ELMOD1: variants seen among roughly 807,000 people sequenced by gnomAD.
The protein encoded by ELMOD1 is ELMO domain containing 1.
In ELMOD1, 21 loss-of-function variants were observed where a neutral mutation model predicts 46.7. The ratio of observed to expected loss-of-function variants is 0.45; its 90% CI spans 0.32 to 0.65. The LOEUF (loss-of-function observed/expected upper bound fraction) is 0.65, where lower values mean the gene tolerates loss of function less well. ELMOD1 is among the 30% of genes least tolerant of loss of function. The pLI, the probability that ELMOD1 is intolerant of heterozygous loss-of-function variation, is 0.04. For synonymous variants in ELMOD1, 122 were observed against 138.2 expected (o/e 0.88, Z 0.82); for missense variants, 348 against 407.8 (o/e 0.85, Z 1.26).
At chr11:107,616,198 G>A (rs1865860617) in intron 1 of ELMOD1, among the ~76,000 whole-genome samples, 1 of 152,100 alleles carries the variant, frequency 6.6e-6, no homozygotes, top group Non-Finnish European at 1.5e-5. Context: ...GTTTTGCCAT[G>A]TTGGCCAGGC....
rs116990876 is a variant in ELMOD1 at position 107,610,556 on chromosome 11, C to T, written c.-85-7549C>T. Among the ~76,000 whole-genome samples the T allele has an allele frequency of 3.0e-3, 449 of 151,152 alleles. 3 individuals carry two copies. The highest frequency in any genetic ancestry group is 3.4e-3 in the Non-Finnish European group (229 of 67,852). ...GTGTATGCCTGTAATCTGAGCTACTCGGGAGGCTGAGACACAGAATTGCTT... is the reference window on the plus strand; with the variant it reads ...GTGTATGCCTGTAATCTGAGCTACTTGGGAGGCTGAGACACAGAATTGCTT... On this transcript the variant is annotated intron_variant, in intron 1 of 11. Coordinates refer to ENST00000265840, the MANE Select transcript of ELMOD1 (RefSeq NM_018712.4).
Position 107,611,870 on chromosome 11 carries a change from G to A in ELMOD1, c.-85-6235G>A, listed in dbSNP as rs149522069. 5.8e-3 allele frequency among the ~76,000 whole-genome samples: 888 copies of A among 152,152 alleles called. 12 individuals carry two copies. Among genetic ancestry groups the A allele is most frequent in the African/African-American group, 0.02 (837 of 41,522 alleles). ...GCTATTATTAAGAAGTCCAAAAACA[G>A]CAGATGCTGGCAAGGCTGGGAGAAA... On this transcript the variant is annotated intron_variant, in intron 1 of 11. Transcript: ENST00000265840.
intron 2 of ELMOD1, chr11:107,619,914 A>G (rs1865919630): frequency 6.6e-6 from 1 of 152,218 alleles, no homozygotes; most frequent in African/African-American, 2.4e-5. Flanking sequence ...ATGTGAAACT[A>G]AAGCTAGGAT....
Position 107,635,678 on chromosome 11 carries a change from G to C in ELMOD1, c.333G>C (p.Gly111=). 6.2e-7 allele frequency: 1 copy of C among 1,613,856 alleles called. No homozygotes were observed. The highest frequency in any genetic ancestry group is 8.5e-7 in the Non-Finnish European group (1 of 1,179,824). ...SLQACLLQIV[G]YRNLIADVEK... is the part of the protein sequence containing the mutation. ...AGGCTTGCCTTCTGCAAATCGTTGG[G>C]TACAGGAACCTTATTGCAGATGTGG... is the stretch of plus-strand genomic sequence containing the variant. The change falls in exon 6 of 12, where the codon GGG becomes GGC. Residue 111 remains glycine (G), a synonymous_variant. Transcript: ENST00000265840.
intron 1 of ELMOD1, among the ~76,000 whole-genome samples, chr11:107,593,629 T>A (rs1865443192): frequency 6.6e-6 from 1 of 152,232 alleles, no homozygotes; most frequent in South Asian, 2.1e-4. Context: ...AACAAAGCAC[T>A]GTTAGGTTTT....
chr11:107,625,403 T>C, intron 2 of ELMOD1: 1 of 983,380 alleles, frequency 1.0e-6, no homozygotes, highest in African/African-American at 1.7e-5. Context: ...ACAGGATTTC[T>C]TCAAGCAAGA....
At chr11:107,631,407 C>G (rs866323939) in intron 4 of ELMOD1, among the ~76,000 whole-genome samples, 173 bp from the exon 5 acceptor site, 6 of 136,116 alleles carry the variant, frequency 4.4e-5, no homozygotes, top group Admixed American at 1.5e-4. Flanking sequence ...ACCCCCCCCC[C>G]CATCGTGAAA....
chr11:107,648,003 T>G (rs1266747940), intron 7 of ELMOD1, among the ~76,000 whole-genome samples: 1 of 152,164 alleles, frequency 6.6e-6, no homozygotes, highest in Non-Finnish European at 1.5e-5. Flanking sequence ...CATTTCACCC[T>G]TCATATTTTA....
Position 107,647,914 on chromosome 11 carries a change from T to C in ELMOD1, c.554+313T>C, listed in dbSNP as rs1455237243. Among the ~76,000 whole-genome samples, 3 of 152,318 alleles carry C rather than the reference T, an allele frequency of 2.0e-5. No individual in the cohort carries two copies. The East Asian group carries it at 5.8e-4, about 29-fold the overall frequency. On this transcript the variant is annotated intron_variant, in intron 7 of 11. Transcript: ENST00000265840. ...ACACCCTTGTATTGATCATCCAGATTCAGTAATTGTTGAGGTTTTGAAATA... is the reference window on the plus strand; with the variant it reads ...ACACCCTTGTATTGATCATCCAGATCCAGTAATTGTTGAGGTTTTGAAATA...
chr11:107,605,031 A>G (rs1865662299), intron 1 of ELMOD1, among the ~76,000 whole-genome samples: 1 of 152,210 alleles, frequency 6.6e-6, no homozygotes, highest in Non-Finnish European at 1.5e-5. Context: ...TTTTTATGCA[A>G]ACATAAGTTT....
chr11:107,610,609 G>A (rs1220379856), intron 1 of ELMOD1, among the ~76,000 whole-genome samples: 5 of 150,062 alleles, frequency 3.3e-5, no homozygotes, highest in Admixed American at 2.0e-4. Flanking sequence ...GTTGCAGTGA[G>A]CCAAGATTGT....
intron 11 of ELMOD1, among the ~76,000 whole-genome samples, chr11:107,658,375 G>A (rs555367594): frequency 5.9e-5 from 9 of 152,292 alleles, no homozygotes; most frequent in South Asian, 2.1e-4. Flanking sequence ...AATGGAAAAT[G>A]TAAGTCCCTT....
At chr11:107,637,820 G>C (rs11212308) in intron 6 of ELMOD1, among the ~76,000 whole-genome samples, 28,382 of 152,024 alleles carry the variant, frequency 0.19, 3,966 homozygotes, top group African/African-American at 0.39. Flanking sequence ...GCTGTGCCAG[G>C]CTTTTAATTA....
chr11:107,621,953 G>C (rs966999659), intron 2 of ELMOD1, among the ~76,000 whole-genome samples: 2 of 152,152 alleles, frequency 1.3e-5, no homozygotes, highest in Non-Finnish European at 2.9e-5. Context: ...CTTGAACCCA[G>C]GAGGCGGAGG....
At chr11:107,647,209 C>G (rs1866445463) in intron 6 of ELMOD1, among the ~76,000 whole-genome samples, 1 of 152,128 alleles carries the variant, frequency 6.6e-6, no homozygotes, top group Non-Finnish European at 1.5e-5. Context: ...GTTTTTATCT[C>G]TCAGACCTTC....
At chr11:107,653,761 T>G (rs1866570444) in intron 9 of ELMOD1, 1 of 151,094 alleles carries the variant, frequency 6.6e-6, no homozygotes, top group Non-Finnish European at 1.5e-5. Context: ...TATAATAATA[T>G]TATTTATTAT....
chr11:107,605,515 T>TC (rs1865671041), intron 1 of ELMOD1, among the ~76,000 whole-genome samples: 1 of 152,184 alleles, frequency 6.6e-6, no homozygotes. Context: ...GAGATGAATT[T>TC]CATCAATCCT....
chr11:107,599,581 C>A (rs3132820), intron 1 of ELMOD1, among the ~76,000 whole-genome samples: 145,740 of 151,702 alleles, frequency 0.96, 70,029 homozygotes, highest in East Asian at 1. Flanking sequence ...ATCTCTACTA[C>A]AAATACAAAA....
intron 2 of ELMOD1, among the ~76,000 whole-genome samples, chr11:107,630,210 T>C (rs2135687305): frequency 6.6e-6 from 1 of 152,360 alleles, no homozygotes; most frequent in East Asian, 1.9e-4. Context: ...TCAGATTTAC[T>C]AGAATAGAAA....
Sources: allele counts gnomAD v4.1 joint callset (sites outside exome capture counted in the v4.1 genomes callset), GRCh38; gene constraint gnomAD v4.1.1; transcripts MANE v1.5; gene names NCBI Gene and HGNC (gene_info 2026-07-23, HGNC 2026-07-21).